KLHL32: variants seen among roughly 807,000 people sequenced by gnomAD.
KLHL32 encodes kelch like family member 32, also known as kelch-like protein 32.
In KLHL32, 35 loss-of-function variants were observed where a neutral mutation model predicts 64.8. That is an observed-to-expected ratio of 0.54 (90% CI 0.41 to 0.72). The LOEUF (loss-of-function observed/expected upper bound fraction) is 0.72. Ranked by LOEUF, KLHL32 falls within the 30% of genes least tolerant of loss-of-function variation. The probability of loss-of-function intolerance (pLI) is 0.00; values close to 1 mark genes in which losing one functional copy is unlikely to be tolerated. For missense variants in KLHL32, 589 were observed against 768.5 expected, an observed-to-expected ratio of 0.77 and a Z score of 2.76; for synonymous variants, 259 against 281.0, an observed-to-expected ratio of 0.92 and a Z score of 0.78.
intron 3 of KLHL32, among the ~76,000 whole-genome samples, chr6:97,012,286 TGTAACCACAAA>T (rs1780512920): frequency 6.6e-6 from 1 of 152,162 alleles, no homozygotes; most frequent in Non-Finnish European, 1.5e-5. Context: ...CTGGACCCAA[TGTAACCACAAA>T]GTCCTAAAGA....
chr6:97,011,557 G>A (rs574365948), intron 3 of KLHL32, among the ~76,000 whole-genome samples: 59 of 152,270 alleles, frequency 3.9e-4, no homozygotes, highest in African/African-American at 1.4e-3. Flanking sequence ...TAAAATTGTT[G>A]AATTTCTTGT....
chr6:96,937,972 C>G (rs1770818181), intron 1 of KLHL32, among the ~76,000 whole-genome samples: 1 of 152,216 alleles, frequency 6.6e-6, no homozygotes, highest in Admixed American at 6.5e-5. Context: ...GTCTCCTTCT[C>G]AGACTCTGTA....
intron 3 of KLHL32, among the ~76,000 whole-genome samples, chr6:97,011,327 A>C (rs1780378927): frequency 6.6e-6 from 1 of 152,244 alleles, no homozygotes; most frequent in Non-Finnish European, 1.5e-5. Context: ...AGTCACTTTT[A>C]AGAAGCTTTG....
At chr6:97,000,939 A>G (rs1386972967) in intron 3 of KLHL32, among the ~76,000 whole-genome samples, 1 of 152,242 alleles carries the variant, frequency 6.6e-6, no homozygotes, top group Non-Finnish European at 1.5e-5. Context: ...TAAAAAGACT[A>G]TCTATTCTAT....
chr6:97,040,305 G>T (rs1303460940), intron 3 of KLHL32, among the ~76,000 whole-genome samples: 2 of 151,422 alleles, frequency 1.3e-5, no homozygotes, highest in Non-Finnish European at 2.9e-5. Flanking sequence ...TTAGCATGGG[G>T]TTGTATTTTT....
rs568452513 is a variant in KLHL32 at position 96,937,690 on chromosome 6, C to T, written c.-66+12664C>T. 1.0e-3 allele frequency among the ~76,000 whole-genome samples: 155 copies of T among 152,278 alleles called. 1 individual carries two copies. In the Middle Eastern group the frequency reaches 0.01, roughly 10 times the overall value. On this transcript the variant is annotated intron_variant, in intron 1 of 10. Coordinates refer to ENST00000369261, the MANE Select transcript of KLHL32 (RefSeq NM_052904.4). ...ATATTCAGTCATCAGGGGCTCTCAG[C>T]CTCTCCTTCCACTTCCTCCCGTGTC...
intron 3 of KLHL32, among the ~76,000 whole-genome samples, chr6:96,987,678 C>G (rs1468189732): frequency 6.6e-6 from 1 of 152,174 alleles, no homozygotes; most frequent in Non-Finnish European, 1.5e-5. Flanking sequence ...AAGCTGGAGG[C>G]ATCACGCTAC....
intron 3 of KLHL32, among the ~76,000 whole-genome samples, chr6:97,017,007 G>A (rs1781304179): frequency 6.6e-6 from 1 of 152,162 alleles, no homozygotes; most frequent in Admixed American, 6.5e-5. Flanking sequence ...GTGGAACTGT[G>A]AGTCAATTAA....
At chr6:97,129,101 AACAGAT>A (rs1799171454) in intron 8 of KLHL32, among the ~76,000 whole-genome samples, 1 of 152,218 alleles carries the variant, frequency 6.6e-6, no homozygotes, top group Non-Finnish European at 1.5e-5. Context: ...CAAATGGGGG[AACAGAT>A]AAATGCAAGC....
At chr6:97,047,626 T>G (rs976878226) in intron 4 of KLHL32, among the ~76,000 whole-genome samples, 1 of 152,184 alleles carries the variant, frequency 6.6e-6, no homozygotes, top group African/African-American at 2.4e-5. Flanking sequence ...GGCCAAGTTT[T>G]TTCATGTTTC....
intron 3 of KLHL32, chr6:96,999,550 A>G (rs1327921565): frequency 1.0e-6 from 1 of 979,632 alleles, no homozygotes; most frequent in Admixed American, 6.1e-5. Flanking sequence ...ATAAAAAGGT[A>G]AAAATCCAGG....
chr6:97,093,493 A>C (rs897681549), intron 6 of KLHL32, among the ~76,000 whole-genome samples: 1 of 152,222 alleles, frequency 6.6e-6, no homozygotes, highest in Admixed American at 6.5e-5. Flanking sequence ...CAACTCTTTA[A>C]GAAAACAGAA....
chr6:97,080,494 T>C (rs1197549363), intron 5 of KLHL32, among the ~76,000 whole-genome samples: 3 of 152,114 alleles, frequency 2.0e-5, no homozygotes, highest in Non-Finnish European at 4.4e-5. Context: ...CCGAGAAGCT[T>C]AGATTTGGTA....
the KLHL32 span, among the ~76,000 whole-genome samples, chr6:96,901,655 T>G: frequency 6.6e-6 from 1 of 152,332 alleles, no homozygotes; most frequent in East Asian, 1.9e-4. Context: ...AGATGACGGT[T>G]TGCTGCACAG....
intron 4 of KLHL32, among the ~76,000 whole-genome samples, chr6:97,043,705 A>T (rs139961416): frequency 6.6e-6 from 1 of 151,574 alleles, no homozygotes; most frequent in Non-Finnish European, 1.5e-5. Flanking sequence ...TTTTCTCCAC[A>T]CCCTCATCAA....
intron 3 of KLHL32, among the ~76,000 whole-genome samples, chr6:97,013,707 C>T (rs1780718338): frequency 6.6e-6 from 1 of 152,064 alleles, no homozygotes; most frequent in Non-Finnish European, 1.5e-5. Context: ...CCACAAATAC[C>T]TTCAATCAGA....
intron 3 of KLHL32, among the ~76,000 whole-genome samples, chr6:97,039,819 C>CG (rs1316059301): frequency 8.0e-5 from 5 of 62,182 alleles, no homozygotes; most frequent in Non-Finnish European, 1.4e-4. Context: ...GACTCCATCT[C>CG]AAAAAACAAA....
chr6:96,972,127 C>G (rs950881023), intron 2 of KLHL32, among the ~76,000 whole-genome samples: 4 of 152,142 alleles, frequency 2.6e-5, no homozygotes, highest in Non-Finnish European at 4.4e-5. Context: ...GCTGGTATTA[C>G]AGGTGTGAGT....
intron 10 of KLHL32, among the ~76,000 whole-genome samples, chr6:97,134,460 G>A (rs114770227): frequency 6.6e-6 from 1 of 152,266 alleles, no homozygotes; most frequent in African/African-American, 2.4e-5. Context: ...GTATTTGGTA[G>A]TCCTTCATAG....
Sources: gnomAD v4.1 joint callset for allele counts (sites outside exome capture counted in the v4.1 genomes callset) on GRCh38, gnomAD v4.1.1 for gene constraint, MANE v1.5 for transcripts, NCBI Gene and HGNC (gene_info 2026-07-23, HGNC 2026-07-21) for gene names.